The following PDK3 variants were observed in gnomAD, a reference collection of about 807,000 sequenced individuals.
PDK3 encodes the protein pyruvate dehydrogenase kinase 3, also known as pyruvate dehydrogenase kinase, isozyme 3.
A neutral mutation model predicts 32.0 loss-of-function variants in PDK3; 12 were observed. The observed-to-expected ratio is 0.37, with a 90% CI of 0.24 to 0.61. The LOEUF (loss-of-function observed/expected upper bound fraction) is 0.61. Ranked by LOEUF, PDK3 falls within the 20% of genes least tolerant of loss-of-function variation. The probability of loss-of-function intolerance (pLI) is 0.65; values close to 1 mark genes in which losing one functional copy is unlikely to be tolerated. For missense variants in PDK3, 188 were observed against 316.9 expected (o/e 0.59, Z 3.09); for synonymous variants, 122 against 116.3 (o/e 1.05, Z -0.31).
intron 5 of PDK3, among the ~76,000 whole-genome samples, chrX:24,510,998 G>C (rs953438672): frequency 8.9e-5 from 10 of 112,148 alleles, no homozygotes; most frequent in African/African-American, 3.2e-4. Context: ...CTACCTCCAA[G>C]TAAGACTGAG....
chrX:24,483,717 G>T (rs1049621074), intron 1 of PDK3, among the ~76,000 whole-genome samples: 19 of 111,317 alleles, frequency 1.7e-4, no homozygotes, highest in South Asian at 1.5e-3. Flanking sequence ...AGGTTTTTTT[G>T]TGTGTGTGTA....
chrX:24,474,871 C>T (rs753466188), intron 1 of PDK3, among the ~76,000 whole-genome samples: 53 of 112,339 alleles, frequency 4.7e-4, no homozygotes, highest in Middle Eastern at 4.6e-3. Flanking sequence ...GCCTTTAGCT[C>T]TTAGAAGGTA....
chrX:24,472,010 A>T (rs1400661107), intron 1 of PDK3, among the ~76,000 whole-genome samples: 2 of 112,192 alleles, frequency 1.8e-5, no homozygotes, highest in Non-Finnish European at 3.8e-5. Context: ...TCATGTGGTA[A>T]GTTTAACCTA....
exon 12 of PDK3, among the ~76,000 whole-genome samples, chrX:24,540,670 G>A (rs1922868465): frequency 9.1e-6 from 1 of 109,997 alleles, no homozygotes; most frequent in South Asian, 3.8e-4. Flanking sequence ...TCCATCCTTA[G>A]AAGGATCTCA....
chrX:24,496,568 CTTTT>C (rs763095558), intron 2 of PDK3, among the ~76,000 whole-genome samples: 48 of 39,322 alleles, frequency 1.2e-3, no homozygotes, highest in African/African-American at 5.1e-3. Context: ...CTACCCCCAT[CTTTT>C]TTTTTTTTTT....
At chrX:24,544,400 G>A (rs1408476237) in exon 12 of PDK3, among the ~76,000 whole-genome samples, 1 of 109,850 alleles carries the variant, frequency 9.1e-6, no homozygotes, top group African/African-American at 3.3e-5. Context: ...CTCTCCTCTG[G>A]TCCTGCTTCT....
intron 5 of PDK3, among the ~76,000 whole-genome samples, chrX:24,510,111 T>A (rs772923421): frequency 8.0e-5 from 9 of 112,138 alleles, no homozygotes; most frequent in Admixed American, 9.5e-5. Flanking sequence ...CCCAGGTTGC[T>A]TCACAAGTAT....
exon 12 of PDK3, chrX:24,549,312 G>A (rs1041276347): frequency 9.0e-6 from 1 of 111,450 alleles, no homozygotes; most frequent in African/African-American, 3.3e-5. Context: ...TTCAAGCAAG[G>A]TGTGTGATTT....
At chrX:24,473,562 G>A (rs1413052095) in intron 1 of PDK3, among the ~76,000 whole-genome samples, 1 of 108,002 alleles carries the variant, frequency 9.3e-6, no homozygotes, top group Non-Finnish European at 1.9e-5. Context: ...TCAGCCTCCC[G>A]AGTAGCTGGG....
rs184504215 is a variant in PDK3 at position 24,543,509 on chromosome X, G to C, written c.*4345G>C. 5.0e-4 allele frequency among the ~76,000 whole-genome samples: 55 copies of C among 110,931 alleles called. 1 individual carries two copies. The East Asian group carries it at 0.014, about 29-fold the overall frequency. On this transcript the variant is annotated 3_prime_UTR_variant, in exon 12 of 12. Coordinates refer to the PDK3 transcript ENST00000568479. ...CTGTCACCCAGGCTGGAGTGCAGTG[G>C]TGTGATCTCTGCTCACTGCAACCTC...
chrX:24,483,041 A>G (rs190351133), intron 1 of PDK3, among the ~76,000 whole-genome samples: 126 of 112,784 alleles, frequency 1.1e-3, no homozygotes, highest in African/African-American at 4.0e-3. Context: ...GCTTTCTGCT[A>G]AGAATAAAAG....
chrX:24,534,913 G>T (rs954561970), downstream of PDK3, among the ~76,000 whole-genome samples: 5 of 112,225 alleles, frequency 4.5e-5, no homozygotes, highest in African/African-American at 1.6e-4. Context: ...GCTATGATTC[G>T]CACCACTGCA....
At chrX:24,519,053 C>T in intron 6 of PDK3, 43 bp downstream of exon 6, 1 of 892,332 alleles carries the variant, frequency 1.1e-6, no homozygotes, top group South Asian at 2.3e-5. Context: ...AAAAAGCTGA[C>T]TAAGAAGCTG....
chrX:24,516,359 G>A (rs763379193), intron 5 of PDK3, among the ~76,000 whole-genome samples: 97 of 111,718 alleles, frequency 8.7e-4, no homozygotes, highest in African/African-American at 3.1e-3. Flanking sequence ...CAAGATAAAT[G>A]AAGGCATATG....
intron 6 of PDK3, among the ~76,000 whole-genome samples, chrX:24,521,141 T>C (rs979432955): frequency 3.7e-5 from 4 of 109,226 alleles, no homozygotes; most frequent in African/African-American, 1.3e-4. Flanking sequence ...TAGCTGGACA[T>C]AGTGGCATGT....
At chrX:24,471,879 G>A (rs1304078093) in intron 1 of PDK3, among the ~76,000 whole-genome samples, 2 of 111,814 alleles carry the variant, frequency 1.8e-5, no homozygotes, top group African/African-American at 6.5e-5. Context: ...CTATTTTCTT[G>A]TTTACATTTC....
exon 12 of PDK3, chrX:24,547,117 A>G (rs1355407883): frequency 8.9e-6 from 1 of 112,174 alleles, no homozygotes; most frequent in Non-Finnish European, 1.9e-5. Flanking sequence ...TTCCTCTTTG[A>G]TAGAGGTTTG....
Position 24,488,732 on chromosome X carries a change from G to T in PDK3, c.107-6010G>T, listed in dbSNP as rs749809548. Among the ~76,000 whole-genome samples the T allele has an allele frequency of 1.1e-3, 128 of 111,665 alleles. 2 individuals are homozygous for T. The highest frequency in any genetic ancestry group is 3.0e-4 in the Non-Finnish European group (16 of 53,083). ...AAACAAACCAGAAACAAAGGAGAATGAAAGGATCGTCAAACTTAGGAGAAA... is the reference window on the plus strand; with the variant it reads ...AAACAAACCAGAAACAAAGGAGAATTAAAGGATCGTCAAACTTAGGAGAAA... On this transcript the variant is annotated intron_variant, in intron 1 of 10. Coordinates refer to ENST00000379162, the MANE Select transcript of PDK3 (RefSeq NM_005391.5).
chrX:24,527,335 T>C (rs919400855), intron 7 of PDK3, among the ~76,000 whole-genome samples: 1 of 100,051 alleles, frequency 1.0e-5, no homozygotes, highest in Non-Finnish European at 2.1e-5. Flanking sequence ...GAAAGAAAAA[T>C]AAATATTTAG....
Sources: allele counts gnomAD v4.1 joint callset (sites outside exome capture counted in the v4.1 genomes callset), GRCh38; gene constraint gnomAD v4.1.1; transcripts MANE v1.5; gene names NCBI Gene and HGNC (gene_info 2026-07-23, HGNC 2026-07-21).